The following ITGAE variants were observed in gnomAD, a reference collection of about 807,000 sequenced individuals.
ITGAE encodes the protein integrin alpha-E.
A neutral mutation model predicts 136.5 loss-of-function variants in ITGAE; 99 were observed. The ratio of observed to expected loss-of-function variants is 0.73; its 90% CI spans 0.62 to 0.86. The LOEUF (loss-of-function observed/expected upper bound fraction) is 0.86, where lower values mean the gene tolerates loss of function less well. Among genes scored for constraint, ITGAE ranks in the 40% least tolerant of loss-of-function variants. ITGAE has a pLI of 0.00. For missense variants in ITGAE, 1,447 were observed against 1,515.3 expected, an observed-to-expected ratio of 0.95 and a Z score of 0.75; for synonymous variants, 613 against 591.8, an observed-to-expected ratio of 1.04 and a Z score of -0.52.
chr17:3,793,500 C>T (rs1050681388), intron 1 of ITGAE, among the ~76,000 whole-genome samples: 2 of 152,232 alleles, frequency 1.3e-5, no homozygotes, highest in African/African-American at 4.8e-5. Flanking sequence ...AGACTCCCTA[C>T]TGGGCATCCC....
chr17:3,793,757 C>T (rs1054483678), intron 1 of ITGAE, among the ~76,000 whole-genome samples: 1 of 152,030 alleles, frequency 6.6e-6, no homozygotes, highest in Non-Finnish European at 1.5e-5. Context: ...CCGTGTTAGC[C>T]GGGATGGTCT....
chr17:3,724,142 C>G (rs777628390), intron 26 of ITGAE: 1 of 1,595,432 alleles, frequency 6.3e-7, no homozygotes. Flanking sequence ...CCGACGACCC[C>G]GACTTCCCCG....
intron 17 of ITGAE, 68 bp downstream of exon 17, chr17:3,747,852 CTG>C: frequency 1.6e-6 from 1 of 623,342 alleles, no homozygotes; most frequent in African/African-American, 2.0e-5. Flanking sequence ...TCCTCTTTCC[CTG>C]CCCCTTACAG....
In ITGAE at chr17:3,753,385, T is replaced by C. The variant is rs1457730153; in HGVS notation, c.1573A>G (p.Met525Val). 3 of 1,614,122 alleles carry C rather than the reference T, an allele frequency of 1.9e-6. No individual in the cohort carries two copies. The highest frequency in any genetic ancestry group is 1.1e-5 in the South Asian group (1 of 91,084). ...AGCAAGAAGTCCGTGCTTCCATCCATGTCAATGTCCACAGGGCACAGCTCA... is the reference window on the plus strand; with the variant it reads ...AGCAAGAAGTCCGTGCTTCCATCCACGTCAATGTCCACAGGGCACAGCTCA... ...GSELCPVDID[M>V]DGSTDFLLVA... The change falls in exon 14 of 31, where the codon ATG becomes GTG. Residue 525 changes from methionine (M) to valine (V), a missense_variant. Physicochemically the swap from Met to Val is conservative, Grantham distance 21 (BLOSUM62 1). This residue lies in a region of ITGAE where 1,031 missense variants were observed against 1,011.4 expected (regional missense o/e 1.02). Transcript: ENST00000263087.
chr17:3,747,516 A>C (rs1369985055), intron 17 of ITGAE, among the ~76,000 whole-genome samples: 1 of 152,046 alleles, frequency 6.6e-6, no homozygotes, highest in South Asian at 2.1e-4. Flanking sequence ...TCACCATGTT[A>C]GGCAGGATGG....
chr17:3,771,949 C>T (rs1416159345), intron 2 of ITGAE, among the ~76,000 whole-genome samples: 1 of 152,176 alleles, frequency 6.6e-6, no homozygotes, highest in African/African-American at 2.4e-5. Context: ...AACCTCACCA[C>T]CCCTCCCGGC....
At chr17:3,725,563 G>A in intron 26 of ITGAE, 1 of 1,614,224 alleles carries the variant, frequency 6.2e-7, no homozygotes, top group South Asian at 1.1e-5. Context: ...AAAGAGTTGA[G>A]CCTCTTATCC....
chr17:3,730,045 C>G (rs866527355), intron 23 of ITGAE, among the ~76,000 whole-genome samples: 27 of 152,328 alleles, frequency 1.8e-4, no homozygotes, highest in Middle Eastern at 3.4e-3. Context: ...CTCCCCAACC[C>G]TGCCCCTCCC....
At position 3,760,208 on chromosome 17, in the gene ITGAE, G is replaced by T. The variant is rs763942106; in HGVS notation, c.678C>A (p.Ser226=). ...PDFQRAKDFI[S]NMMRNFYEKC... is the part of the protein sequence containing the mutation. The stretch of plus-strand genomic sequence containing the variant: ...TTTCATAGAAGTTCCTCATCATGTT[G>T]GAGATGAAGTCTTTGGCTCTCTGAA... Residue 226 remains serine (S), a synonymous_variant, in exon 7 of 31, where the codon TCC becomes TCA. Transcript: ENST00000263087. The T allele has an allele frequency of 6.2e-7, 1 of 1,613,422 alleles. No homozygotes were observed. The highest frequency in any genetic ancestry group is 1.1e-5 in the South Asian group (1 of 91,046).
At chr17:3,733,421 T>G (rs2051391396) in intron 21 of ITGAE, among the ~76,000 whole-genome samples, 2 of 152,146 alleles carry the variant, frequency 1.3e-5, no homozygotes, top group South Asian at 4.1e-4. Flanking sequence ...TGGTTTTGTT[T>G]GTTTGTTTGT....
At chr17:3,728,283 A>AG (rs1435599630) in intron 24 of ITGAE, 115 bp from the exon 25 acceptor site, 1 of 777,658 alleles carries the variant, frequency 1.3e-6, no homozygotes, top group African/African-American at 1.7e-5. Flanking sequence ...GGCTCAGTGT[A>AG]GCCTCAACCT....
At chr17:3,749,972 C>T (rs560198068) in intron 16 of ITGAE, among the ~76,000 whole-genome samples, 157 of 152,192 alleles carry the variant, frequency 1.0e-3, no homozygotes, top group African/African-American at 3.5e-3. Flanking sequence ...ACCAAGATTA[C>T]ACCACTGCAC....
intron 26 of ITGAE, chr17:3,723,996 G>A (rs754421400): frequency 6.3e-7 from 1 of 1,595,116 alleles, no homozygotes; most frequent in Non-Finnish European, 8.5e-7. Flanking sequence ...GGCTGCGGAC[G>A]GCAGGAGACA....
intron 2 of ITGAE, among the ~76,000 whole-genome samples, chr17:3,764,518 G>T (rs2052247545): frequency 6.6e-6 from 1 of 152,198 alleles, no homozygotes; most frequent in African/African-American, 2.4e-5. Flanking sequence ...TCAATATGGT[G>T]AAACCCCGTG....
chr17:3,745,410 C>T (rs1197488107), intron 18 of ITGAE, among the ~76,000 whole-genome samples: 1 of 152,098 alleles, frequency 6.6e-6, no homozygotes, highest in Non-Finnish European at 1.5e-5. Context: ...GGCATGATTT[C>T]GGCTCACTGC....
intron 1 of ITGAE, among the ~76,000 whole-genome samples, chr17:3,778,423 C>T (rs561976485): frequency 1.8e-4 from 28 of 152,174 alleles, no homozygotes; most frequent in African/African-American, 6.0e-4. Context: ...ATTAGCTGGG[C>T]GCGGTGGCAC....
chr17:3,767,518 C>T (rs984096985), intron 2 of ITGAE, among the ~76,000 whole-genome samples: 10 of 152,228 alleles, frequency 6.6e-5, no homozygotes, highest in Admixed American at 5.9e-4. Context: ...CAAGCATGAG[C>T]CACCGTGCCT....
At chr17:3,762,740 T>G (rs535486645) in intron 3 of ITGAE, among the ~76,000 whole-genome samples, 2 of 151,268 alleles carry the variant, frequency 1.3e-5, no homozygotes, top group Admixed American at 6.6e-5. Flanking sequence ...TGGGACTACG[T>G]GTGCCCGTCA....
At chr17:3,770,761 G>A (rs1209574120) in intron 2 of ITGAE, among the ~76,000 whole-genome samples, 1 of 152,114 alleles carries the variant, frequency 6.6e-6, no homozygotes, top group East Asian at 1.9e-4. Context: ...AGGGAGCCCC[G>A]CTGGGCCCTC....
Sources: gnomAD v4.1 joint callset for allele counts (sites outside exome capture counted in the v4.1 genomes callset) on GRCh38, gnomAD v4.1.1 for gene constraint, gnomAD v4.1.1 regional missense constraint, MANE v1.5 for transcripts, NCBI Gene and HGNC (gene_info 2026-07-23, HGNC 2026-07-21) for gene names.